The following TMX3 variants were observed in gnomAD, a reference collection of about 807,000 sequenced individuals.
TMX3 encodes protein disulfide-isomerase TMX3.
TMX3 carries 40 observed loss-of-function variants against 64.4 expected under a neutral mutation model. That is an observed-to-expected ratio of 0.62 (90% CI 0.48 to 0.81). TMX3 has a LOEUF of 0.81. TMX3 is among the 30% of genes least tolerant of loss of function. The pLI, the probability that TMX3 is intolerant of heterozygous loss-of-function variation, is 0.00. For synonymous variants in TMX3, 189 were observed against 175.7 expected, an observed-to-expected ratio of 1.08 and a Z score of -0.60; for missense variants, 497 against 534.5, an observed-to-expected ratio of 0.93 and a Z score of 0.69.
intron 2 of TMX3, 113 bp from the exon 3 acceptor site, chr18:68,711,516 CAAT>C (rs1854004271): frequency 1.5e-5 from 9 of 620,186 alleles, no homozygotes; most frequent in Admixed American, 1.3e-4. Flanking sequence ...CAAATTCCTT[CAAT>C]AATACTTTAC....
At chr18:68,714,910 C>T (rs780312969) in intron 1 of TMX3, 26 bp downstream of exon 1, 4 of 1,551,080 alleles carry the variant, frequency 2.6e-6, no homozygotes, top group Non-Finnish European at 3.5e-6. Context: ...CGCCCGCCAG[C>T]GTCCCGACCG....
At position 68,706,120 on chromosome 18, in the gene TMX3, G is replaced by A. The variant is rs142613740; in HGVS notation, c.265+3901C>T. On this transcript the variant is annotated intron_variant, in intron 4 of 15. Coordinates refer to ENST00000299608, the MANE Select transcript of TMX3 (RefSeq NM_019022.5). Reference sequence around the variant, plus strand: ...ATACAGACTCTCGGCTGGGCACAGTGACTCATGCCTGTAATCCCAGCACTT... The same window carrying A: ...ATACAGACTCTCGGCTGGGCACAGTAACTCATGCCTGTAATCCCAGCACTT... 6.5e-3 allele frequency among the ~76,000 whole-genome samples: 988 copies of A among 152,312 alleles called. 12 individuals carry two copies. The highest frequency in any genetic ancestry group is 0.023 in the African/African-American group (938 of 41,576).
At chr18:68,682,306 T>G (rs537786291) in intron 13 of TMX3, among the ~76,000 whole-genome samples, 1 of 152,212 alleles carries the variant, frequency 6.6e-6, no homozygotes. Flanking sequence ...GTACAGGGTT[T>G]GGTAAATGTT....
intron 4 of TMX3, chr18:68,706,168 C>T (rs556690342): frequency 2.4e-4 from 36 of 152,566 alleles, no homozygotes; most frequent in African/African-American, 7.0e-4. Flanking sequence ...GCAGGCAGAT[C>T]ACCTGAGGAG....
At chr18:68,678,035 G>A (rs150548648) in intron 15 of TMX3, among the ~76,000 whole-genome samples, 2 of 152,112 alleles carry the variant, frequency 1.3e-5, no homozygotes, top group East Asian at 3.9e-4. Flanking sequence ...GATCAAAATC[G>A]ATTATTTTAG....
At chr18:68,694,830 G>A (rs1914899148) in intron 8 of TMX3, among the ~76,000 whole-genome samples, 2 of 152,108 alleles carry the variant, frequency 1.3e-5, no homozygotes, top group African/African-American at 4.8e-5. Context: ...CATACATATT[G>A]CAGGAAGCAT....
At chr18:68,689,580 T>C (rs959804926) in intron 9 of TMX3, 4 of 152,180 alleles carry the variant, frequency 2.6e-5, no homozygotes, top group Non-Finnish European at 5.9e-5. Context: ...TAAGGGAATG[T>C]TGTAATGATC....
chr18:68,674,529 A>G lies in TMX3; in HGVS notation c.*2404T>C, dbSNP rs1024199276. The G allele has an allele frequency of 1.3e-5, 2 of 152,124 alleles. No homozygotes were observed. Among genetic ancestry groups the G allele is most frequent in the Non-Finnish European group, 2.9e-5 (2 of 67,982 alleles). 9.4% of individuals were successfully genotyped at this position (152,124 alleles called of 1,614,324 possible). ...ATATAGAATCATGACAAAATTTACC[A>G]TGGAATTAGAATGATACCTATGTTC... On this transcript the variant is annotated 3_prime_UTR_variant, in exon 16 of 16. Transcript: ENST00000299608.
At chr18:68,683,414 A>G (rs1052767378) in intron 12 of TMX3, among the ~76,000 whole-genome samples, 2 of 152,170 alleles carry the variant, frequency 1.3e-5, no homozygotes, top group Non-Finnish European at 2.9e-5. Flanking sequence ...CACTAATAAA[A>G]TATATTTATA....
chr18:68,685,148 C>A (rs971634683), intron 10 of TMX3, among the ~76,000 whole-genome samples: 10 of 152,148 alleles, frequency 6.6e-5, no homozygotes, highest in African/African-American at 2.4e-4. Context: ...ATGTTCTAGG[C>A]ACCATACCAA....
intron 8 of TMX3, among the ~76,000 whole-genome samples, chr18:68,692,097 A>C (rs1376516920): frequency 1.3e-5 from 2 of 152,182 alleles, no homozygotes; most frequent in African/African-American, 2.4e-5. Flanking sequence ...AGAGAAAATA[A>C]TACAGAATTA....
chr18:68,677,005 C>T lies in TMX3; in HGVS notation c.1293G>A (p.Glu431=). ...GCACTACAGATCCTCCACTGCTGGG[C>T]TCCTGCTGTTCTTTGCTCTCTTCTA... ...EQIEESKEQQ[E]PSSGGSVVPT... is the part of the protein sequence containing the mutation. The change falls in exon 16 of 16, where the codon GAG becomes GAA. Residue 431 remains glutamate, a synonymous_variant. Coordinates refer to ENST00000299608, the MANE Select transcript of TMX3 (RefSeq NM_019022.5). The T allele has an allele frequency of 6.2e-7, 1 of 1,613,804 alleles. No homozygotes were observed. Among genetic ancestry groups the T allele is most frequent in the Non-Finnish European group, 8.5e-7 (1 of 1,179,814 alleles).
chr18:68,685,846 A>G (rs1021398312), intron 10 of TMX3, among the ~76,000 whole-genome samples: 1 of 152,244 alleles, frequency 6.6e-6, no homozygotes, highest in Admixed American at 6.5e-5. Context: ...CTAAGGAAGC[A>G]GTATTTGGTC....
chr18:68,705,127 G>A (rs1202740978), intron 4 of TMX3, among the ~76,000 whole-genome samples: 1 of 152,096 alleles, frequency 6.6e-6, no homozygotes, highest in Non-Finnish European at 1.5e-5. Context: ...AAGGGGGTAG[G>A]AGGAGATTGG....
At chr18:68,681,525 G>C in intron 13 of TMX3, 1 of 984,214 alleles carries the variant, frequency 1.0e-6, no homozygotes, top group Non-Finnish European at 1.2e-6. Context: ...TTAATCTTTG[G>C]CAAATCCTCT....
rs1913366154 is a variant in TMX3, at chr18:68,680,969, T to G, written c.1035+12A>C. 1 of 1,565,926 alleles carries G rather than the reference T, an allele frequency of 6.4e-7. No homozygotes were observed. The highest frequency in any genetic ancestry group is 2.3e-5 in the East Asian group (1 of 43,272). ...GTCCATCATCTCTTTGAAACAGAAG[T>G]GAACAACTTACTTCTACTGTGCCAT... On this transcript the variant is annotated intron_variant, in intron 14 of 15. Transcript: ENST00000299608.
chr18:68,695,784 C>T (rs185757205), intron 8 of TMX3, among the ~76,000 whole-genome samples: 348 of 152,344 alleles, frequency 2.3e-3, no homozygotes, highest in African/African-American at 8.0e-3. Flanking sequence ...ATCTAACGCA[C>T]TCTGCGCTTA....
At chr18:68,712,264 C>A (rs1599349672) in intron 2 of TMX3, among the ~76,000 whole-genome samples, 1 of 152,164 alleles carries the variant, frequency 6.6e-6, no homozygotes, top group Admixed American at 6.5e-5. Flanking sequence ...AGAGGCCCAC[C>A]ATGTTCTATC....
chr18:68,699,445 C>T (rs762280498), intron 6 of TMX3, among the ~76,000 whole-genome samples: 5 of 152,072 alleles, frequency 3.3e-5, no homozygotes, highest in Non-Finnish European at 5.9e-5. Context: ...AAATGAAACA[C>T]GGTCGACAAG....
Sources: gnomAD v4.1 joint callset for allele counts (sites outside exome capture counted in the v4.1 genomes callset) on GRCh38, gnomAD v4.1.1 for gene constraint, MANE v1.5 for transcripts, NCBI Gene and HGNC (gene_info 2026-07-23, HGNC 2026-07-21) for gene names.